The following CCM2 variants were observed in gnomAD, a reference collection of about 807,000 sequenced individuals.
CCM2 encodes CCM2 scaffold protein, also known as cerebral cavernous malformations 2 protein.
A neutral mutation model predicts 44.9 loss-of-function variants in CCM2; 25 were observed. The ratio of observed to expected loss-of-function variants is 0.56; its 90% CI spans 0.41 to 0.78. The LOEUF (loss-of-function observed/expected upper bound fraction) is 0.78. CCM2 is among the 30% of genes least tolerant of loss of function. The pLI, the probability that CCM2 is intolerant of heterozygous loss-of-function variation, is 0.00. For missense variants in CCM2, 481 were observed against 580.6 expected (o/e 0.83, Z 1.76); for synonymous variants, 219 against 241.1 (o/e 0.91, Z 0.85).
intron 1 of CCM2, 76 bp downstream of exon 1, chr7:45,000,439 G>A: frequency 5.1e-6 from 1 of 195,378 alleles, no homozygotes; most frequent in Non-Finnish European, 9.1e-6. Context: ...GGGTGGGCGG[G>A]TGTTCCTTGG....
At position 45,000,827 on chromosome 7, in the gene CCM2, T is replaced by C. The variant is rs78951140; in HGVS notation, c.30+464T>C. Among the ~76,000 whole-genome samples, 6 of 152,294 alleles carry C rather than the reference T, an allele frequency of 3.9e-5. No homozygotes were observed. In the East Asian group the frequency reaches 1.2e-3, roughly 29 times the overall value. On this transcript the variant is annotated intron_variant, in intron 1 of 9. Coordinates refer to ENST00000258781, the MANE Select transcript of CCM2 (RefSeq NM_031443.4). ...CCACTATCACTCAGACCTAAAACCA[T>C]TGATTGATTTTAGTGACGCTAGCTA...
At chr7:45,032,041 T>C (rs1394481115) in intron 1 of CCM2, among the ~76,000 whole-genome samples, 1 of 152,152 alleles carries the variant, frequency 6.6e-6, no homozygotes, top group Non-Finnish European at 1.5e-5. Context: ...AAAAGCCCCA[T>C]CATCCTCAGC....
chr7:45,057,436 C>T (rs1798315855), intron 2 of CCM2, among the ~76,000 whole-genome samples: 1 of 152,178 alleles, frequency 6.6e-6, no homozygotes, highest in Admixed American at 6.5e-5. Flanking sequence ...GCTAGGATTA[C>T]AGGTGTGAGC....
intron 1 of CCM2, among the ~76,000 whole-genome samples, chr7:45,029,996 A>G (rs879619292): frequency 6.6e-6 from 1 of 152,192 alleles, no homozygotes; most frequent in Non-Finnish European, 1.5e-5. Flanking sequence ...TATATTCCAT[A>G]TGGATGTCTT....
In CCM2 at chr7:45,045,723, G is replaced by A. The variant is rs377268942; in HGVS notation, c.204+7297G>A. 1.3e-4 allele frequency among the ~76,000 whole-genome samples: 20 copies of A among 152,220 alleles called. No homozygotes were observed. The Middle Eastern group carries it at 0.014, about 104-fold the overall frequency. On this transcript the variant is annotated intron_variant, in intron 2 of 9. Transcript: ENST00000258781. ...GGAGAACAGCATGAACCCGGGAGGC[G>A]GAGCTTGCAGTGAGCCCAGATCATG...
At chr7:45,007,155 A>T (rs1795879151) in intron 1 of CCM2, among the ~76,000 whole-genome samples, 1 of 152,170 alleles carries the variant, frequency 6.6e-6, no homozygotes. Context: ...GACAACCCTC[A>T]CTGTGCTGTA....
intron 7 of CCM2, chr7:45,073,164 T>C: frequency 1.7e-6 from 1 of 572,914 alleles, no homozygotes; most frequent in Admixed American, 3.0e-5. Flanking sequence ...TCCTGCCACC[T>C]CCCCAACCCT....
intron 1 of CCM2, among the ~76,000 whole-genome samples, chr7:45,020,306 G>A (rs970256632): frequency 2.6e-5 from 4 of 152,106 alleles, no homozygotes; most frequent in Admixed American, 6.6e-5. Context: ...CTCGGTCTGT[G>A]AGAAAGTTAT....
chr7:45,056,770 T>C lies in CCM2; in HGVS notation c.205-7148T>C, dbSNP rs148457993. On this transcript the variant is annotated intron_variant, in intron 2 of 9. Coordinates refer to ENST00000258781, the MANE Select transcript of CCM2 (RefSeq NM_031443.4). ...GAAACATTTTCTCCCATACTGTGGG[T>C]TTTTTCACCGTGTTGATTGTATTCT... is the stretch of plus-strand genomic sequence containing the variant. Among the ~76,000 whole-genome samples, 240 of 152,280 alleles carry C rather than the reference T, an allele frequency of 1.6e-3. 1 individual carries two copies. Among genetic ancestry groups the C allele is most frequent in the African/African-American group, 5.3e-3 (220 of 41,556 alleles).
intron 4 of CCM2, among the ~76,000 whole-genome samples, chr7:45,066,931 C>T (rs769426860): frequency 4.7e-5 from 7 of 149,122 alleles, no homozygotes; most frequent in South Asian, 4.2e-4. Context: ...GACGGAGTCT[C>T]GCTGTGTTGC....
chr7:45,029,374 A>C (rs1796852014), intron 1 of CCM2: 1 of 152,216 alleles, frequency 6.6e-6, no homozygotes, highest in African/African-American at 2.4e-5. Flanking sequence ...AAAATGCCTG[A>C]ACCCTGTAGC....
At chr7:45,039,689 C>T (rs1218070333) in intron 2 of CCM2, among the ~76,000 whole-genome samples, 1 of 152,162 alleles carries the variant, frequency 6.6e-6, no homozygotes, top group Non-Finnish European at 1.5e-5. Context: ...CAACAGGATT[C>T]TACTTTTAAA....
intron 4 of CCM2, among the ~76,000 whole-genome samples, chr7:45,066,377 C>T (rs1562909854): frequency 6.6e-6 from 1 of 152,158 alleles, no homozygotes; most frequent in Non-Finnish European, 1.5e-5. Context: ...GAACTCCTGG[C>T]CTCAAGCGAT....
At chr7:45,065,380 C>T (rs1274188228) in intron 4 of CCM2, among the ~76,000 whole-genome samples, 1 of 152,210 alleles carries the variant, frequency 6.6e-6, no homozygotes, top group African/African-American at 2.4e-5. Context: ...GGACAGTATC[C>T]TGGGCTCCTT....
chr7:45,010,747 G>A (rs1441373982), intron 1 of CCM2, among the ~76,000 whole-genome samples: 7 of 151,936 alleles, frequency 4.6e-5, no homozygotes, highest in African/African-American at 1.2e-4. Flanking sequence ...ATAGGTGCCC[G>A]CCACGATGCC....
chr7:45,036,101 C>A (rs1797205186), intron 1 of CCM2, among the ~76,000 whole-genome samples: 1 of 152,014 alleles, frequency 6.6e-6, no homozygotes, highest in South Asian at 2.1e-4. Context: ...ATGCCTAGGA[C>A]CTGAGGAACA....
chr7:45,032,183 C>G (rs1797000429), intron 1 of CCM2, among the ~76,000 whole-genome samples: 1 of 152,116 alleles, frequency 6.6e-6, no homozygotes, highest in Non-Finnish European at 1.5e-5. Context: ...GCTTACCCAT[C>G]AATTAAAATT....
At chr7:45,073,076 T>C in intron 7 of CCM2, 1 of 591,642 alleles carries the variant, frequency 1.7e-6, no homozygotes, top group Non-Finnish European at 3.0e-6. Flanking sequence ...TGCCCGAGCC[T>C]GCCGAGGCGC....
At chr7:45,032,613 G>A (rs1583887386) in intron 1 of CCM2, among the ~76,000 whole-genome samples, 2 of 152,168 alleles carry the variant, frequency 1.3e-5, no homozygotes, top group African/African-American at 4.8e-5. Context: ...TGACATCGTT[G>A]AGGGCAGGGG....
Sources: allele counts gnomAD v4.1 joint callset (sites outside exome capture counted in the v4.1 genomes callset), GRCh38; gene constraint gnomAD v4.1.1; transcripts MANE v1.5; gene names NCBI Gene and HGNC (gene_info 2026-07-23, HGNC 2026-07-21).